The following C12orf42 variants were observed in gnomAD, a reference collection of about 807,000 sequenced individuals.
C12orf42 encodes the protein uncharacterized protein C12orf42.
Under a neutral mutation model 21.6 loss-of-function variants are expected in C12orf42, and 25 were observed. The ratio of observed to expected loss-of-function variants is 1.16; its 90% CI spans 0.84 to 1.62. The LOEUF (loss-of-function observed/expected upper bound fraction) is 1.62, where lower values mean the gene tolerates loss of function less well. C12orf42 is among the 40% of genes most tolerant of loss of function. The probability of loss-of-function intolerance (pLI) is 0.00; values close to 1 mark genes in which losing one functional copy is unlikely to be tolerated. For synonymous variants in C12orf42, 174 were observed against 175.0 expected, an observed-to-expected ratio of 0.99 and a Z score of 0.05; for missense variants, 483 against 459.3, an observed-to-expected ratio of 1.05 and a Z score of -0.47.
At chr12:103,514,618 ACAGAGAAAATATAT>A in the C12orf42 span, among the ~76,000 whole-genome samples, 1 of 152,192 alleles carries the variant, frequency 6.6e-6, no homozygotes, top group East Asian at 1.9e-4. Flanking sequence ...AGGCTTTTGA[ACAGAGAAAATATAT>A]GATCTGACTT....
chr12:103,434,648 C>T (rs1950528849), intron 2 of C12orf42, among the ~76,000 whole-genome samples: 1 of 152,146 alleles, frequency 6.6e-6, no homozygotes, highest in Admixed American at 6.5e-5. Flanking sequence ...ACTGACGCAC[C>T]TGGAAAATCG....
chr12:103,386,456 C>T (rs1688045437), intron 3 of C12orf42, among the ~76,000 whole-genome samples: 1 of 152,104 alleles, frequency 6.6e-6, no homozygotes, highest in Non-Finnish European at 1.5e-5. Context: ...CTCTGCTCTC[C>T]CAAAATGCTA....
intron 3 of C12orf42, among the ~76,000 whole-genome samples, chr12:103,376,453 G>A (rs1257373052): frequency 1.3e-5 from 2 of 152,070 alleles, no homozygotes; most frequent in Non-Finnish European, 2.9e-5. Flanking sequence ...AATACCTAAC[G>A]CACACGGGGC....
downstream of C12orf42, among the ~76,000 whole-genome samples, chr12:103,265,115 G>A (rs1024692216): frequency 3.4e-4 from 52 of 152,212 alleles, no homozygotes; most frequent in Admixed American, 9.8e-4. Flanking sequence ...GGCAGAGAGA[G>A]GGCTAGAGGG....
chr12:103,270,925 A>T (rs2136260742), intron 5 of C12orf42, among the ~76,000 whole-genome samples: 1 of 152,280 alleles, frequency 6.6e-6, no homozygotes. Flanking sequence ...ATAATATCAG[A>T]ATGGGATAAT....
chr12:103,499,712 G>A (rs1021608267), upstream of C12orf42, among the ~76,000 whole-genome samples: 16 of 152,220 alleles, frequency 1.1e-4, no homozygotes, highest in African/African-American at 3.4e-4. Context: ...TAGAAGCAGG[G>A]ATATGCCCCC....
chr12:103,238,916 A>G (rs1347637009), intron 10 of C12orf42, among the ~76,000 whole-genome samples: 1 of 152,174 alleles, frequency 6.6e-6, no homozygotes, highest in Admixed American at 6.5e-5. Context: ...TAGTTAAGGG[A>G]TTGACCCTGG....
At chr12:103,456,145 A>G (rs1364762479) in intron 2 of C12orf42, 1 of 151,988 alleles carries the variant, frequency 6.6e-6, no homozygotes, top group East Asian at 1.9e-4. Flanking sequence ...AAAACCCAAT[A>G]CCTTGGGTTT....
At chr12:103,479,898 CT>C (rs1954342282) in intron 1 of C12orf42, among the ~76,000 whole-genome samples, 1 of 152,076 alleles carries the variant, frequency 6.6e-6, no homozygotes, top group South Asian at 2.1e-4. Flanking sequence ...GTGAAATTGC[CT>C]TTTTCCACTT....
At chr12:103,546,717 T>C in the C12orf42 span, among the ~76,000 whole-genome samples, 1 of 152,214 alleles carries the variant, frequency 6.6e-6, no homozygotes, top group East Asian at 1.9e-4. Flanking sequence ...GGACATGCTG[T>C]CCCAAAATAT....
the C12orf42 span, among the ~76,000 whole-genome samples, chr12:103,230,336 T>C: frequency 6.6e-6 from 1 of 152,120 alleles, no homozygotes; most frequent in Non-Finnish European, 1.5e-5. Flanking sequence ...AGTCATAAAA[T>C]GTTCCTTCTT....
intron 4 of C12orf42, among the ~76,000 whole-genome samples, chr12:103,316,898 C>T (rs1426359699): frequency 6.6e-6 from 1 of 152,248 alleles, no homozygotes; most frequent in Non-Finnish European, 1.5e-5. Context: ...TACTCCATGT[C>T]GCCATATCAC....
intron 4 of C12orf42, among the ~76,000 whole-genome samples, chr12:103,280,427 G>A (rs1329034673): frequency 6.6e-6 from 1 of 152,208 alleles, no homozygotes; most frequent in Non-Finnish European, 1.5e-5. Context: ...AGACCAGCCT[G>A]GCCAACATGG....
intron 4 of C12orf42, among the ~76,000 whole-genome samples, chr12:103,294,599 A>G (rs1057380316): frequency 3.3e-4 from 46 of 137,962 alleles, no homozygotes; most frequent in African/African-American, 1.2e-3. Context: ...AAAGAAAGAA[A>G]GAAAGAAAGA....
chr12:103,492,932 A>G (rs920007506), intron 1 of C12orf42, among the ~76,000 whole-genome samples: 2 of 152,100 alleles, frequency 1.3e-5, no homozygotes, highest in African/African-American at 4.8e-5. Flanking sequence ...CACGCAAGCA[A>G]TCTCATCCAT....
chr12:103,286,475 T>C (rs960344626), intron 4 of C12orf42, among the ~76,000 whole-genome samples: 4 of 151,472 alleles, frequency 2.6e-5, no homozygotes, highest in Admixed American at 6.6e-5. Context: ...TTTTCATATA[T>C]AAAATAATAT....
At chr12:103,517,438 T>C in the C12orf42 span, among the ~76,000 whole-genome samples, 1 of 152,240 alleles carries the variant, frequency 6.6e-6, no homozygotes, top group African/African-American at 2.4e-5. Context: ...GAATAAATAG[T>C]AAAGGCCTTT....
downstream of C12orf42, among the ~76,000 whole-genome samples, chr12:103,297,116 AAT>A (rs1241255800): frequency 1.3e-5 from 2 of 152,340 alleles, no homozygotes; most frequent in East Asian, 3.9e-4. Context: ...TTAAATAGGG[AAT>A]CTTTTCCCCA....
At chr12:103,147,596 C>CAGTACTTT in the C12orf42 span, among the ~76,000 whole-genome samples, 1 of 133,776 alleles carries the variant, frequency 7.5e-6, no homozygotes, top group African/African-American at 2.8e-5. Flanking sequence ...ATGTGACCCA[C>CAGTACTTT]AGTACTTTGC....
Sources: allele counts gnomAD v4.1 joint callset (sites outside exome capture counted in the v4.1 genomes callset), GRCh38; gene constraint gnomAD v4.1.1; transcripts MANE v1.5; gene names NCBI Gene and HGNC (gene_info 2026-07-23, HGNC 2026-07-21).